Variants in SEMA3A observed in about 807,000 individuals in gnomAD.
The protein encoded by SEMA3A is semaphorin 3A.
Under a neutral mutation model 97.9 loss-of-function variants are expected in SEMA3A, and 29 were observed. The ratio of observed to expected loss-of-function variants is 0.30; its 90% CI spans 0.22 to 0.40. The LOEUF (loss-of-function observed/expected upper bound fraction) is 0.40. SEMA3A is among the 10% of genes least tolerant of loss of function. SEMA3A has a pLI of 1.00. For synonymous variants in SEMA3A, 321 were observed against 323.7 expected (o/e 0.99, Z 0.09); for missense variants, 763 against 951.3 (o/e 0.80, Z 2.60).
intron 1 of SEMA3A, among the ~76,000 whole-genome samples, chr7:84,390,877 G>T (rs1803552093): frequency 6.6e-6 from 1 of 152,090 alleles, no homozygotes; most frequent in South Asian, 2.1e-4. Flanking sequence ...CCTGTGTTTG[G>T]TTACTTTTTG....
chr7:84,016,330 G>A (rs1791096871), intron 6 of SEMA3A, among the ~76,000 whole-genome samples: 2 of 152,072 alleles, frequency 1.3e-5, no homozygotes, highest in Admixed American at 6.5e-5. Context: ...ACAAGGTCAG[G>A]AGATCGAGAC....
At chr7:84,272,722 C>A (rs1800182089) in intron 3 of SEMA3A, among the ~76,000 whole-genome samples, 1 of 152,028 alleles carries the variant, frequency 6.6e-6, no homozygotes, top group African/African-American at 2.4e-5. Context: ...TTAGTATAGG[C>A]AGGTCAGGTT....
At chr7:84,120,326 T>G (rs1190831404) in intron 3 of SEMA3A, among the ~76,000 whole-genome samples, 1 of 152,194 alleles carries the variant, frequency 6.6e-6, no homozygotes, top group Non-Finnish European at 1.5e-5. Context: ...TCTTTTACCT[T>G]ATATGCAAAA....
Position 84,110,420 on chromosome 7 carries a change from G to A in SEMA3A, c.453+50C>T, listed in dbSNP as rs750319744. 1.5e-5 allele frequency: 24 copies of A among 1,600,682 alleles called. No homozygotes were observed. The African/African-American group carries it at 2.4e-4, about 16-fold the overall frequency. ...GAAGAAATTAGTAATGAAGCATTTTGAATAGAAAGGGGTCATGGACAAATA... is the reference window on the plus strand; with the variant it reads ...GAAGAAATTAGTAATGAAGCATTTTAAATAGAAAGGGGTCATGGACAAATA... On this transcript the variant is annotated intron_variant, in intron 4 of 16. Coordinates refer to ENST00000265362, the MANE Select transcript of SEMA3A (RefSeq NM_006080.3).
rs776238905 is a variant in SEMA3A at position 84,001,991 on chromosome 7, T to C, written c.1416A>G (p.Leu472=). 1 of 1,612,908 alleles carries C rather than the reference T, an allele frequency of 6.2e-7. No individual in the cohort carries two copies. Among genetic ancestry groups the C allele is most frequent in the Non-Finnish European group, 8.5e-7 (1 of 1,179,338 alleles). The change falls in exon 12 of 17, where the codon TTA becomes TTG. Residue 472 remains leucine, a synonymous_variant. Coordinates refer to ENST00000265362, the MANE Select transcript of SEMA3A (RefSeq NM_006080.3). ...TCATTTCTTCCAGCAGAACCTCTTCTAAATCATACCAAGTCTCCTTAGGAA... is the reference window on the plus strand; with the variant it reads ...TCATTTCTTCCAGCAGAACCTCTTCCAAATCATACCAAGTCTCCTTAGGAA... The part of the protein sequence containing the change: ...VSIPKETWYD[L]EEVLLEEMTV...
At chr7:84,007,307 G>T in intron 10 of SEMA3A, 46 bp downstream of exon 10, 1 of 1,474,790 alleles carries the variant, frequency 6.8e-7, no homozygotes, top group Non-Finnish European at 9.1e-7. Flanking sequence ...TTTGACCTTT[G>T]GCAGAAATAT....
intron 3 of SEMA3A, among the ~76,000 whole-genome samples, chr7:84,243,981 C>G (rs1412612666): frequency 6.6e-6 from 1 of 152,084 alleles, no homozygotes; most frequent in Admixed American, 6.5e-5. Flanking sequence ...GATTTCTGTT[C>G]TTTTGCATTT....
At chr7:84,462,149 A>G (rs1173463941) in intron 1 of SEMA3A, among the ~76,000 whole-genome samples, 1 of 152,124 alleles carries the variant, frequency 6.6e-6, no homozygotes, top group African/African-American at 2.4e-5. Flanking sequence ...GCATTTTCCC[A>G]TACAGCATTA....
chr7:84,443,441 A>G (rs1381324065), intron 1 of SEMA3A, among the ~76,000 whole-genome samples: 3 of 152,186 alleles, frequency 2.0e-5, no homozygotes, highest in Admixed American at 6.5e-5. Context: ...AACCATGTCA[A>G]TGGTTAAATT....
intron 6 of SEMA3A, among the ~76,000 whole-genome samples, chr7:84,016,849 G>T (rs972267390): frequency 9.2e-5 from 14 of 152,138 alleles, no homozygotes; most frequent in Non-Finnish European, 2.1e-4. Context: ...TGGTAAGTTT[G>T]AGGATATTAT....
At chr7:83,965,099 AT>A (rs11332458) in intron 15 of SEMA3A, among the ~76,000 whole-genome samples, 54,971 of 143,118 alleles carry the variant, frequency 0.38, 10,144 homozygotes, top group Middle Eastern at 0.49. Flanking sequence ...ACTTTTTTGT[AT>A]TTTTTTTTTT....
chr7:84,232,624 C>T (rs1799141175), intron 3 of SEMA3A, among the ~76,000 whole-genome samples: 1 of 151,864 alleles, frequency 6.6e-6, no homozygotes, highest in African/African-American at 2.4e-5. Context: ...ATTTTAACCA[C>T]AGCATATAAG....
Position 83,984,479 on chromosome 7 carries a change from A to G in SEMA3A, c.1494+957T>C, listed in dbSNP as rs3801588. ...TAGTGTCTTGTTCAAGGGATAAAGCATGGTCAGAGATAAAACATGTAAACA... is the reference window on the plus strand; with the variant it reads ...TAGTGTCTTGTTCAAGGGATAAAGCGTGGTCAGAGATAAAACATGTAAACA... On this transcript the variant is annotated intron_variant, in intron 13 of 16. Transcript: ENST00000265362. Among the ~76,000 whole-genome samples the G allele has an allele frequency of 4.9e-3, 751 of 152,220 alleles. 30 individuals carry two copies. In the East Asian group the frequency reaches 0.1, roughly 21 times the overall value.
chr7:84,360,476 T>A (rs2681435), intron 2 of SEMA3A, among the ~76,000 whole-genome samples: 43,608 of 151,926 alleles, frequency 0.29, 6,733 homozygotes, highest in African/African-American at 0.38. Flanking sequence ...TAATCCTGAG[T>A]TCTAGTTTGA....
At chr7:84,127,686 C>G (rs1344631558) in intron 3 of SEMA3A, among the ~76,000 whole-genome samples, 1 of 152,150 alleles carries the variant, frequency 6.6e-6, no homozygotes, top group Non-Finnish European at 1.5e-5. Context: ...CTATAGGCAA[C>G]ATTGCTGCTA....
intron 3 of SEMA3A, among the ~76,000 whole-genome samples, chr7:84,236,578 C>T (rs1281418298): frequency 6.6e-6 from 1 of 152,106 alleles, no homozygotes; most frequent in East Asian, 1.9e-4. Flanking sequence ...CATAGTTTAT[C>T]TTTATCTCGC....
intron 3 of SEMA3A, among the ~76,000 whole-genome samples, chr7:84,267,751 C>T (rs1244055223): frequency 6.6e-6 from 1 of 152,178 alleles, no homozygotes; most frequent in South Asian, 2.1e-4. Flanking sequence ...ACCAACCATT[C>T]TTTAACACAC....
chr7:84,052,788 C>A (rs1380310764), intron 5 of SEMA3A, among the ~76,000 whole-genome samples: 2 of 149,354 alleles, frequency 1.3e-5, no homozygotes, highest in Non-Finnish European at 3.0e-5. Context: ...TTTTCTAGTT[C>A]TTTTAGTTGT....
intron 2 of SEMA3A, among the ~76,000 whole-genome samples, chr7:84,307,977 C>A (rs570984954): frequency 1.2e-3 from 179 of 150,770 alleles, no homozygotes; most frequent in African/African-American, 4.2e-3. Context: ...CAAAGCTGGG[C>A]CGAGGATTTA....
Sources: gnomAD v4.1 joint callset for allele counts (sites outside exome capture counted in the v4.1 genomes callset) on GRCh38, gnomAD v4.1.1 for gene constraint, MANE v1.5 for transcripts, NCBI Gene and HGNC (gene_info 2026-07-23, HGNC 2026-07-21) for gene names.